The following WNK2 variants were observed in gnomAD, a reference collection of about 807,000 sequenced individuals.
WNK2 encodes serine/threonine-protein kinase WNK2.
A neutral mutation model predicts 192.1 loss-of-function variants in WNK2; 67 were observed. The observed-to-expected ratio is 0.35, with a 90% confidence interval of 0.29 to 0.43. The LOEUF (loss-of-function observed/expected upper bound fraction) is 0.43. Ranked by LOEUF, WNK2 falls within the 20% of genes least tolerant of loss-of-function variation. WNK2 has a pLI of 1.00. For synonymous variants in WNK2, 1,439 were observed against 1,393.9 expected (o/e 1.03, Z -0.72); for missense variants, 2,698 against 3,089.7 (o/e 0.87, Z 3.01).
At chr9:93,243,316 A>T (rs1373985876) in intron 7 of WNK2, among the ~76,000 whole-genome samples, 2 of 151,982 alleles carry the variant, frequency 1.3e-5, no homozygotes, top group Non-Finnish European at 2.9e-5. Flanking sequence ...GCCCTCCTGC[A>T]GGGTCATTGT....
chr9:93,223,026 G>T (rs1271663431), intron 2 of WNK2, among the ~76,000 whole-genome samples: 1 of 152,222 alleles, frequency 6.6e-6, no homozygotes, highest in Non-Finnish European at 1.5e-5. Flanking sequence ...ACACACACTG[G>T]CTCACCTGTC....
In WNK2 at chr9:93,229,958, G is replaced by A; in HGVS notation, c.854+90G>A. 2 of 1,485,226 alleles carry A rather than the reference G, an allele frequency of 1.3e-6. No homozygotes were observed. The highest frequency in any genetic ancestry group is 9.0e-7 in the Non-Finnish European group (1 of 1,108,506). The allele number at this position is 1,485,226 out of a possible 1,614,324, so 92.0% of individuals were successfully genotyped here. A position where few individuals can be genotyped will look rare whatever the true frequency, so the allele number is the denominator to read the frequency against. On this transcript the variant is annotated intron_variant, in intron 3 of 29. Coordinates refer to ENST00000427277, the MANE Select transcript of WNK2 (RefSeq NM_006648.4). The surrounding 1 kb of genome is among the most constrained non-coding windows in gnomAD (Gnocchi z 4.9). ...GGTGAGGTCTTGGGCTGCTGGGGTG[G>A]TCCTGGCTGGTGCCTGTGGGAGGCT... is the stretch of plus-strand genomic sequence containing the variant.
At chr9:93,302,001 C>T (rs1564212318) in intron 26 of WNK2, among the ~76,000 whole-genome samples, 2 of 152,222 alleles carry the variant, frequency 1.3e-5, no homozygotes, top group Admixed American at 6.5e-5. Flanking sequence ...TCCAGGCCTC[C>T]GAAGTCTCTG....
intron 7 of WNK2, among the ~76,000 whole-genome samples, chr9:93,243,815 C>A (rs1263327357): frequency 1.3e-5 from 2 of 152,234 alleles, no homozygotes; most frequent in Admixed American, 1.3e-4. Flanking sequence ...TGACAACAGC[C>A]CTGCCATGGA....
intron 2 of WNK2, among the ~76,000 whole-genome samples, chr9:93,222,216 T>A (rs1402783137): frequency 6.6e-6 from 1 of 152,138 alleles, no homozygotes; most frequent in African/African-American, 2.4e-5. Context: ...TGGCCCAGGC[T>A]GGAGTGCAGT....
At chr9:93,261,662 G>A (rs1202737282) in intron 12 of WNK2, among the ~76,000 whole-genome samples, 152 bp from the exon 13 acceptor site, 2 of 152,236 alleles carry the variant, frequency 1.3e-5, no homozygotes, top group African/African-American at 4.8e-5. Flanking sequence ...TCTGCTAAAT[G>A]TGCTCTGAGA....
rs75416305 is a variant in WNK2 at position 93,318,422 on chromosome 9, G to A, written c.6628+791G>A. 84 of 1,614,128 alleles carry A rather than the reference G, an allele frequency of 5.2e-5. No homozygotes were observed. In the East Asian group the frequency reaches 1.7e-3, roughly 33 times the overall value. On this transcript the variant is annotated intron_variant, in intron 29 of 29. Coordinates refer to ENST00000427277, the MANE Select transcript of WNK2 (RefSeq NM_006648.4). ...CTCATCCAGGGGCTGAGAGACGGCG[G>A]GACGCTGGGGCAGGGCACACTGGCG...
At chr9:93,285,946 A>G (rs1840968553) in intron 19 of WNK2, among the ~76,000 whole-genome samples, 1 of 152,172 alleles carries the variant, frequency 6.6e-6, no homozygotes, top group Admixed American at 6.5e-5. Context: ...TGGTCTTCTC[A>G]ACAGAAAGAG....
chr9:93,308,841 G>T, intron 28 of WNK2: 1 of 1,372,798 alleles, frequency 7.3e-7, no homozygotes. Context: ...TGACTCCACA[G>T]CTCAGATACA....
chr9:93,291,203 C>T (rs1304224320), intron 21 of WNK2, among the ~76,000 whole-genome samples: 2 of 152,286 alleles, frequency 1.3e-5, no homozygotes, highest in East Asian at 3.9e-4. Context: ...GGAGTGCCAG[C>T]CCTGACCACG....
chr9:93,216,756 T>C lies in WNK2; in HGVS notation c.682-12940T>C, dbSNP rs533563186. Among the ~76,000 whole-genome samples, 623 of 148,016 alleles carry C rather than the reference T, an allele frequency of 4.2e-3. 4 individuals are homozygous for C. The highest frequency in any genetic ancestry group is 0.015 in the African/African-American group (587 of 38,310). On this transcript the variant is annotated intron_variant, in intron 2 of 29. Coordinates refer to ENST00000427277, the MANE Select transcript of WNK2 (RefSeq NM_006648.4). ...TTGCAGTAAACCAAGATCGCACCAC[T>C]GCACCACTGCACCACTGCGCTCCAG...
At position 93,271,521 on chromosome 9, in the gene WNK2, CAA is replaced by C. The variant is rs146683503; in HGVS notation, c.4033+2777_4033+2778del. On this transcript the variant is annotated intron_variant, in intron 19 of 29. Transcript: ENST00000427277. The stretch of plus-strand genomic sequence containing the variant: ...AAAGCAATGACAAACATTCTTGAAA[CAA>C]ATGATAAAGTAGTATCTGCAAAGAA... 2.5e-3 allele frequency among the ~76,000 whole-genome samples: 381 copies of C among 152,176 alleles called. 14 individuals are homozygous for C. The East Asian group carries it at 0.055, about 22-fold the overall frequency.
At position 93,308,600 on chromosome 9, in the gene WNK2, G is replaced by GT; in HGVS notation, c.6516+17dup. The GT allele has an allele frequency of 1.3e-6, 2 of 1,529,446 alleles. No individual in the cohort carries two copies. The highest frequency in any genetic ancestry group is 1.8e-6 in the Non-Finnish European group (2 of 1,131,630). 94.7% of individuals were successfully genotyped at this position (1,529,446 alleles called of 1,614,324 possible). On this transcript the variant is annotated intron_variant, in intron 28 of 29. Coordinates refer to ENST00000427277, the MANE Select transcript of WNK2 (RefSeq NM_006648.4). ...GGCGCGGGCTGTGAGTGCGGGGCGGGTGGGGCGGGTGCTCCTGGGGTGGGG... is the reference window on the plus strand; with the variant it reads ...GGCGCGGGCTGTGAGTGCGGGGCGGGTTGGGGCGGGTGCTCCTGGGGTGGGG...
At chr9:93,293,321 G>GA in intron 23 of WNK2, 148 bp downstream of exon 23, 1 of 603,848 alleles carries the variant, frequency 1.7e-6, no homozygotes, top group Non-Finnish European at 2.5e-6. Context: ...AGTGATGAAG[G>GA]CTTTTTTTTT....
intron 2 of WNK2, among the ~76,000 whole-genome samples, chr9:93,222,675 C>A (rs944063068): frequency 6.6e-6 from 1 of 152,098 alleles, no homozygotes; most frequent in Non-Finnish European, 1.5e-5. Context: ...AAATGTTCAT[C>A]TTTATAATGA....
chr9:93,263,648 A>C lies in WNK2; in HGVS notation c.3493A>C (p.Arg1165=), dbSNP rs1196939471. ...CTTTGGAGGGGGCAGGCTGGAGGGC[A>C]GGGCAGCCCGAAAACACCACCGCAG... ...GAFGGGRLEG[R]AARKHHRRST... The change falls in exon 15 of 30, where the codon AGG becomes CGG. Residue 1165 remains arginine (R), a synonymous_variant. Transcript: ENST00000427277. 3 of 1,602,342 alleles carry C rather than the reference A, an allele frequency of 1.9e-6. No homozygotes were observed. Among genetic ancestry groups the C allele is most frequent in the Non-Finnish European group, 2.5e-6 (3 of 1,177,040 alleles).
chr9:93,190,448 C>G (rs7857937), intron 2 of WNK2, among the ~76,000 whole-genome samples: 4 of 151,846 alleles, frequency 2.6e-5, no homozygotes, highest in Non-Finnish European at 5.9e-5. Flanking sequence ...CCATGGGACT[C>G]GAGCGTACCT....
chr9:93,260,225 C>G (rs1844003108), intron 12 of WNK2, among the ~76,000 whole-genome samples: 1 of 151,676 alleles, frequency 6.6e-6, no homozygotes, highest in South Asian at 2.1e-4. Context: ...GGTGGGAGGC[C>G]TTCCCACAGG....
intron 26 of WNK2, among the ~76,000 whole-genome samples, chr9:93,304,347 G>A (rs1013018284): frequency 3.9e-5 from 6 of 152,230 alleles, no homozygotes; most frequent in Non-Finnish European, 8.8e-5. Context: ...CCAAGTCCAA[G>A]AGCCGGCCCT....
Sources: allele counts gnomAD v4.1 joint callset (sites outside exome capture counted in the v4.1 genomes callset), GRCh38; gene constraint gnomAD v4.1.1; non-coding constraint Gnocchi (gnomAD v3.1); transcripts MANE v1.5; gene names NCBI Gene and HGNC (gene_info 2026-07-23, HGNC 2026-07-21).